Variants in ABCA13 observed in about 807,000 individuals in gnomAD.
ABCA13 encodes ATP-binding cassette sub-family A member 13.
ABCA13 carries 476 observed loss-of-function variants against 478.7 expected under a neutral mutation model. The ratio of observed to expected loss-of-function variants is 0.99; its 90% confidence interval spans 0.92 to 1.07. The LOEUF is 1.07. Among genes scored for constraint, ABCA13 ranks in the 50% least tolerant of loss-of-function variants. The pLI is 0.00. For synonymous variants in ABCA13, 2,252 were observed against 2,158.9 expected (o/e 1.04, Z -1.20); for missense variants, 6,060 against 5,910.6 (o/e 1.03, Z -0.83).
chr7:48,622,145 G>T (rs1793199105), intron 59 of ABCA13, among the ~76,000 whole-genome samples: 1 of 152,074 alleles, frequency 6.6e-6, no homozygotes, highest in African/African-American at 2.4e-5. Flanking sequence ...CCCCTCTCCA[G>T]CCTGCAGGAC....
intron 43 of ABCA13, among the ~76,000 whole-genome samples, chr7:48,456,372 T>C (rs996659367): frequency 3.9e-5 from 6 of 152,236 alleles, no homozygotes; most frequent in Admixed American, 2.6e-4. Flanking sequence ...TTCAGTTTGT[T>C]CCCTCCTTGT....
Position 48,382,762 on chromosome 7 carries a change from A to AT in ABCA13, c.11336-5046dup, listed in dbSNP as rs3065600. ...ATCATCTTGTATTCTTCTCTCAATG[A>AT]TTTTTTTTTTTTTTGGTCATCTGTA... On this transcript the variant is annotated intron_variant, in intron 35 of 61. Coordinates refer to ENST00000435803, the MANE Select transcript of ABCA13 (RefSeq NM_152701.5). Among the ~76,000 whole-genome samples the AT allele has an allele frequency of 2.5e-3, 359 of 144,380 alleles. 1 individual carries two copies. Among genetic ancestry groups the AT allele is most frequent in the East Asian group, 5.0e-3 (25 of 4,952 alleles). The allele number at this position is 144,380 out of a possible 152,430, so 94.7% of individuals were successfully genotyped here.
intron 56 of ABCA13, 66 bp from the exon 57 acceptor site, chr7:48,587,088 G>A (rs1023879253): frequency 6.3e-7 from 1 of 1,598,352 alleles, no homozygotes. Context: ...AATGAGGACT[G>A]AGACCAGCTG....
intron 41 of ABCA13, among the ~76,000 whole-genome samples, chr7:48,419,588 G>T (rs1820469046): frequency 6.6e-6 from 1 of 152,074 alleles, no homozygotes; most frequent in Admixed American, 6.6e-5. Context: ...TCATGTTCTT[G>T]CTGTTAGTCA....
chr7:48,195,372 G>C (rs1228822361), intron 2 of ABCA13, among the ~76,000 whole-genome samples: 1 of 152,200 alleles, frequency 6.6e-6, no homozygotes, highest in Non-Finnish European at 1.5e-5. Flanking sequence ...GAGAAGGCAA[G>C]ATCAACTTGT....
At chr7:48,518,678 C>T (rs1394430319) in intron 52 of ABCA13, among the ~76,000 whole-genome samples, 1 of 152,040 alleles carries the variant, frequency 6.6e-6, no homozygotes, top group Non-Finnish European at 1.5e-5. Flanking sequence ...CAACCTTATT[C>T]AAATGTTTAT....
intron 43 of ABCA13, 133 bp from the exon 44 acceptor site, chr7:48,466,823 C>A: frequency 1.2e-6 from 1 of 808,754 alleles, no homozygotes; most frequent in Non-Finnish European, 2.1e-6. Flanking sequence ...TTAGCTGTAT[C>A]TCACTTACTA....
chr7:48,177,533 G>A (rs1272992989), intron 1 of ABCA13, among the ~76,000 whole-genome samples: 1 of 152,230 alleles, frequency 6.6e-6, no homozygotes, highest in Non-Finnish European at 1.5e-5. Context: ...CTCCAGCACT[G>A]CGGGACAAGA....
rs375954302 is a variant in ABCA13 at position 48,403,921 on chromosome 7, T to C, written c.12070+42T>C. On this transcript the variant is annotated intron_variant, in intron 39 of 61. Coordinates refer to ENST00000435803, the MANE Select transcript of ABCA13 (RefSeq NM_152701.5). ...ATTCTGCCTTCTCTTCCCACAATAT[T>C]GTGTTGCAGGAAATGCATTGCTACT... 12 of 1,582,690 alleles carry C rather than the reference T, an allele frequency of 7.6e-6. No homozygotes were observed. In the South Asian group the frequency reaches 1.0e-4, roughly 14 times the overall value.
chr7:48,611,466 G>T (rs1280116173), intron 58 of ABCA13, among the ~76,000 whole-genome samples: 1 of 152,176 alleles, frequency 6.6e-6, no homozygotes, highest in Non-Finnish European at 1.5e-5. Flanking sequence ...ATAGAGAAAA[G>T]AAGTTTAACA....
intron 59 of ABCA13, among the ~76,000 whole-genome samples, chr7:48,638,219 G>A (rs1158060050): frequency 6.6e-6 from 1 of 152,214 alleles, no homozygotes; most frequent in Non-Finnish European, 1.5e-5. Context: ...CAGACATGAA[G>A]CTGACATGGC....
intron 23 of ABCA13, among the ~76,000 whole-genome samples, chr7:48,305,745 A>G (rs1800806967): frequency 6.6e-6 from 1 of 152,216 alleles, no homozygotes; most frequent in Admixed American, 6.5e-5. Context: ...CCTAAGGATC[A>G]TTGTCATTTT....
intron 15 of ABCA13, among the ~76,000 whole-genome samples, chr7:48,251,276 C>T (rs1562882260): frequency 1.3e-5 from 2 of 152,180 alleles, no homozygotes; most frequent in African/African-American, 4.8e-5. Context: ...AAACAGGCTA[C>T]AGAGAGTGAT....
chr7:48,477,654 A>G (rs1485664462), intron 45 of ABCA13, among the ~76,000 whole-genome samples: 3 of 148,206 alleles, frequency 2.0e-5, no homozygotes, highest in Admixed American at 6.9e-5. Flanking sequence ...AAAACCAAAC[A>G]CTGCATGTTC....
intron 3 of ABCA13, among the ~76,000 whole-genome samples, chr7:48,208,716 T>C (rs1225372514): frequency 6.6e-6 from 1 of 152,180 alleles, no homozygotes. Flanking sequence ...GTGAAGTCTT[T>C]AGGTTTTTCT....
chr7:48,390,887 T>C (rs1379174991), intron 37 of ABCA13, among the ~76,000 whole-genome samples: 1 of 152,230 alleles, frequency 6.6e-6, no homozygotes, highest in Admixed American at 6.5e-5. Flanking sequence ...TGAACACAGC[T>C]GCTGTGAACA....
chr7:48,581,165 A>G (rs1788671321), intron 56 of ABCA13, among the ~76,000 whole-genome samples: 1 of 152,204 alleles, frequency 6.6e-6, no homozygotes, highest in African/African-American at 2.4e-5. Context: ...AGAAGCAGAA[A>G]TAAGTGGCTT....
chr7:48,477,452 G>A (rs1055507808), intron 45 of ABCA13, among the ~76,000 whole-genome samples: 2 of 151,918 alleles, frequency 1.3e-5, no homozygotes, highest in African/African-American at 2.4e-5. Flanking sequence ...TATGTTTATT[G>A]CAGCACTATT....
At chr7:48,436,619 T>C (rs56054460) in intron 42 of ABCA13, among the ~76,000 whole-genome samples, 1 of 151,888 alleles carries the variant, frequency 6.6e-6, no homozygotes, top group East Asian at 1.9e-4. Context: ...GAATGTTTAC[T>C]TGAAGTCTTT....
Sources: allele counts gnomAD v4.1 joint callset (sites outside exome capture counted in the v4.1 genomes callset), GRCh38; gene constraint gnomAD v4.1.1; transcripts MANE v1.5; gene names NCBI Gene and HGNC (gene_info 2026-07-23, HGNC 2026-07-21).